The following HECW2 variants were observed in gnomAD, a reference collection of about 807,000 sequenced individuals.
HECW2 encodes HECT, C2 and WW domain containing E3 ubiquitin protein ligase 2, also known as E3 ubiquitin-protein ligase HECW2.
A neutral mutation model predicts 175.2 loss-of-function variants in HECW2; 61 were observed. That is an observed-to-expected ratio of 0.35 (90% CI 0.28 to 0.43). HECW2 has a LOEUF of 0.43. HECW2 is among the 20% of genes least tolerant of loss of function. The pLI is 1.00. For missense variants in HECW2, 1,524 were observed against 2,000.5 expected, an observed-to-expected ratio of 0.76 and a Z score of 4.54; for synonymous variants, 671 against 731.0, an observed-to-expected ratio of 0.92 and a Z score of 1.32.
chr2:196,228,054 T>G (rs755243824), intron 22 of HECW2, 48 bp downstream of exon 22: 4 of 1,467,282 alleles, frequency 2.7e-6, no homozygotes, highest in Admixed American at 4.9e-5. Context: ...AAAAAACTAA[T>G]ATCATAGGAA....
At chr2:196,302,522 A>T (rs187701537) in intron 13 of HECW2, among the ~76,000 whole-genome samples, 186 of 152,286 alleles carry the variant, frequency 1.2e-3, no homozygotes, top group African/African-American at 3.9e-3. Flanking sequence ...GGCCATTTTC[A>T]TGATATTGAT....
chr2:196,387,444 G>T (rs1438590614), intron 2 of HECW2, among the ~76,000 whole-genome samples: 1 of 152,116 alleles, frequency 6.6e-6, no homozygotes, highest in African/African-American at 2.4e-5. Context: ...CACAAAGGTA[G>T]CACCATCTGT....
intron 10 of HECW2, among the ~76,000 whole-genome samples, chr2:196,312,063 G>A (rs62184636): frequency 0.16 from 23,626 of 152,100 alleles, 2,109 homozygotes; most frequent in Middle Eastern, 0.25. Flanking sequence ...TGGGAAGGGC[G>A]CAGGGTTGTT....
intron 28 of HECW2, among the ~76,000 whole-genome samples, chr2:196,214,057 G>A (rs1687384334): frequency 6.6e-6 from 1 of 152,280 alleles, no homozygotes; most frequent in Middle Eastern, 3.4e-3. Context: ...AAATCACAAT[G>A]GCAGCGATCA....
Position 196,318,638 on chromosome 2 carries a change from TCGGCAGCAG to T in HECW2, c.2243_2251del (p.Ala748_Ala750del). On this transcript the variant is annotated inframe_deletion, in exon 9 of 29. Coordinates refer to ENST00000644978, the MANE Select transcript of HECW2 (RefSeq NM_001348768.2). The stretch of plus-strand genomic sequence containing the variant: ...ACTGCCTTCTTCTTGCGGTGGGCTC[TCGGCAGCAG>T]CTGCAGCTCCCTCCAGGCTCCCCCT... The T allele has an allele frequency of 6.3e-7, 1 of 1,598,186 alleles. No homozygotes were observed. The highest frequency in any genetic ancestry group is 8.5e-7 in the Non-Finnish European group (1 of 1,172,008).
intron 1 of HECW2, among the ~76,000 whole-genome samples, chr2:196,521,282 C>CAAAAAAAAAAAAAAAAAAAAAAAA (rs1158051512): frequency 7.5e-5 from 4 of 53,690 alleles, no homozygotes; most frequent in Admixed American, 2.6e-4. Flanking sequence ...ACGTGAGTAA[C>CAAAAAAAAAAAAAAAAAAAAAAAA]AAAAAAAAAA....
chr2:196,222,115 T>A, intron 24 of HECW2, 96 bp downstream of exon 24: 2 of 1,113,334 alleles, frequency 1.8e-6, no homozygotes, highest in Non-Finnish European at 2.5e-6. Flanking sequence ...AAACCACGAA[T>A]AAATAAGCAT....
At chr2:196,587,108 T>C (rs1015280179) in intron 1 of HECW2, among the ~76,000 whole-genome samples, 1 of 152,244 alleles carries the variant, frequency 6.6e-6, no homozygotes, top group Non-Finnish European at 1.5e-5. Flanking sequence ...GATCCTTTAA[T>C]GATGCTAATA....
chr2:196,396,928 G>A (rs2125194948), intron 2 of HECW2, among the ~76,000 whole-genome samples: 1 of 152,020 alleles, frequency 6.6e-6, no homozygotes, highest in South Asian at 2.1e-4. Context: ...TGGCTAACAT[G>A]GTGAAGCCCC....
At chr2:196,336,048 C>T (rs781149389) in intron 3 of HECW2, among the ~76,000 whole-genome samples, 6 of 152,146 alleles carry the variant, frequency 3.9e-5, no homozygotes, top group Non-Finnish European at 7.3e-5. Context: ...ATGGAAAAAA[C>T]AGGTCTAATG....
chr2:196,214,418 A>G (rs2105797724), intron 28 of HECW2, among the ~76,000 whole-genome samples: 1 of 152,362 alleles, frequency 6.6e-6, no homozygotes, highest in Non-Finnish European at 1.5e-5. Flanking sequence ...AAAGCTGACC[A>G]TTAATCTACC....
At chr2:196,540,205 G>GA (rs1490968201) in intron 1 of HECW2, among the ~76,000 whole-genome samples, 1 of 152,000 alleles carries the variant, frequency 6.6e-6, no homozygotes. Flanking sequence ...ATTTTTGGGG[G>GA]AAAAAAGATT....
intron 1 of HECW2, among the ~76,000 whole-genome samples, chr2:196,517,826 C>T (rs1292145140): frequency 6.6e-6 from 1 of 152,150 alleles, no homozygotes; most frequent in Non-Finnish European, 1.5e-5. Flanking sequence ...AACTCAACCT[C>T]CCCAGAGTTT....
At chr2:196,448,628 A>G (rs10207291) in intron 1 of HECW2, among the ~76,000 whole-genome samples, 20,207 of 152,098 alleles carry the variant, frequency 0.13, 1,811 homozygotes, top group African/African-American at 0.26. Flanking sequence ...GTGTCTCCTC[A>G]CTTTCTCACT....
chr2:196,324,338 C>A (rs572602236), intron 6 of HECW2, among the ~76,000 whole-genome samples: 35 of 151,894 alleles, frequency 2.3e-4, no homozygotes, highest in Non-Finnish European at 3.7e-4. Context: ...ATGAGAAAAC[C>A]CTTTGCTTGA....
chr2:196,359,865 G>C (rs1425057627), intron 2 of HECW2, among the ~76,000 whole-genome samples: 1 of 152,212 alleles, frequency 6.6e-6, no homozygotes, highest in African/African-American at 2.4e-5. Context: ...CACTTTGGGA[G>C]GCCAAGATAG....
intron 1 of HECW2, among the ~76,000 whole-genome samples, chr2:196,581,150 C>A (rs1056554506): frequency 3.9e-5 from 6 of 152,136 alleles, no homozygotes; most frequent in Non-Finnish European, 2.9e-5. Flanking sequence ...GAAATAACTA[C>A]TAATGGGTAT....
At chr2:196,225,700 A>C (rs998999795) in intron 23 of HECW2, 72 bp downstream of exon 23, 1 of 912,862 alleles carries the variant, frequency 1.1e-6, no homozygotes, top group South Asian at 1.4e-5. Context: ...TGACTTTGAC[A>C]GAAGAATTTT....
At chr2:196,283,366 G>A (rs1239483400) in intron 14 of HECW2, among the ~76,000 whole-genome samples, 1 of 149,076 alleles carries the variant, frequency 6.7e-6, no homozygotes, top group African/African-American at 2.5e-5. Context: ...TTCTTTATGT[G>A]AGAGAATACA....
Sources: gnomAD v4.1 joint callset for allele counts (sites outside exome capture counted in the v4.1 genomes callset) on GRCh38, gnomAD v4.1.1 for gene constraint, MANE v1.5 for transcripts, NCBI Gene and HGNC (gene_info 2026-07-23, HGNC 2026-07-21) for gene names.